SGIP1: variants seen among roughly 807,000 people sequenced by gnomAD.
The protein encoded by SGIP1 is SH3-containing GRB2-like protein 3-interacting protein 1.
A neutral mutation model predicts 107.5 loss-of-function variants in SGIP1; 38 were observed. The observed-to-expected ratio is 0.35, with a 90% CI of 0.27 to 0.46. The LOEUF is 0.46. Among genes scored for constraint, SGIP1 ranks in the 20% least tolerant of loss-of-function variants. The pLI is 1.00. For synonymous variants in SGIP1, 365 were observed against 366.1 expected (o/e 1.00, Z 0.03); for missense variants, 929 against 1,019.5 (o/e 0.91, Z 1.21).
chr1:66,630,028 A>T (rs2073904522), intron 2 of SGIP1, among the ~76,000 whole-genome samples: 2 of 152,190 alleles, frequency 1.3e-5, no homozygotes, highest in Admixed American at 1.3e-4. Flanking sequence ...TAGGAAATCG[A>T]CATTGGTTGA....
At chr1:66,652,644 A>G (rs1026051293) in intron 7 of SGIP1, among the ~76,000 whole-genome samples, 8 of 152,094 alleles carry the variant, frequency 5.3e-5, no homozygotes, top group Non-Finnish European at 7.4e-5. Context: ...CCACCCCCAA[A>G]TTAGCCTGCC....
intron 19 of SGIP1, among the ~76,000 whole-genome samples, chr1:66,723,024 AT>A (rs1161994744): frequency 1.3e-5 from 2 of 152,220 alleles, no homozygotes; most frequent in Non-Finnish European, 2.9e-5. Flanking sequence ...GGGAGATCCA[AT>A]TTATTTCATT....
chr1:66,715,637 C>T (rs148743095), intron 18 of SGIP1, among the ~76,000 whole-genome samples: 7 of 152,238 alleles, frequency 4.6e-5, no homozygotes, highest in African/African-American at 1.4e-4. Context: ...AAAAGCACTA[C>T]GACCATCATT....
At chr1:66,629,983 A>G (rs1188913860) in intron 2 of SGIP1, among the ~76,000 whole-genome samples, 3 of 152,206 alleles carry the variant, frequency 2.0e-5, no homozygotes, top group Non-Finnish European at 2.9e-5. Flanking sequence ...ACTGAGAAAC[A>G]AAGGGGTGAA....
intron 1 of SGIP1, among the ~76,000 whole-genome samples, chr1:66,552,129 T>C (rs1408970902): frequency 6.6e-6 from 1 of 152,100 alleles, no homozygotes; most frequent in Admixed American, 6.5e-5. Flanking sequence ...AACCACTGTG[T>C]TTACCACCAG....
chr1:66,604,920 C>A (rs2066538709), intron 1 of SGIP1, among the ~76,000 whole-genome samples: 1 of 152,168 alleles, frequency 6.6e-6, no homozygotes, highest in Admixed American at 6.5e-5. Flanking sequence ...TCTACTTCTC[C>A]ATTTCTATAG....
chr1:66,702,216 T>G (rs2091997274), intron 18 of SGIP1, among the ~76,000 whole-genome samples: 1 of 152,214 alleles, frequency 6.6e-6, no homozygotes, highest in Admixed American at 6.5e-5. Flanking sequence ...GTAACTTTTC[T>G]GAGATTACAC....
chr1:66,694,992 C>T (rs905252042), intron 17 of SGIP1: 23 of 268,018 alleles, frequency 8.6e-5, no homozygotes, highest in African/African-American at 4.6e-4. Flanking sequence ...CATTTAAAAC[C>T]TAAGCTAATG....
At chr1:66,621,480 T>C (rs2071090978) in intron 1 of SGIP1, among the ~76,000 whole-genome samples, 1 of 152,242 alleles carries the variant, frequency 6.6e-6, no homozygotes, top group Non-Finnish European at 1.5e-5. Flanking sequence ...TTGGCCATTT[T>C]AGAGTGTAAA....
intron 1 of SGIP1, among the ~76,000 whole-genome samples, chr1:66,536,593 A>G (rs777742826): frequency 3.3e-5 from 5 of 152,170 alleles, no homozygotes; most frequent in African/African-American, 4.8e-5. Context: ...AACTTAACTC[A>G]TCTCTAGAGA....
In SGIP1 at chr1:66,540,585, G is replaced by A. The variant is rs1366536845; in HGVS notation, c.10+6217G>A. 3.9e-5 allele frequency among the ~76,000 whole-genome samples: 6 copies of A among 152,218 alleles called. No homozygotes were observed. In the South Asian group the frequency reaches 1.0e-3, roughly 26 times the overall value. ...TGGGAAAGTATTTTTAAATAAATGAGTGAATGTAAACGAGTGTAATGTTGT... is the reference window on the plus strand; with the variant it reads ...TGGGAAAGTATTTTTAAATAAATGAATGAATGTAAACGAGTGTAATGTTGT... On this transcript the variant is annotated intron_variant, in intron 1 of 24. Coordinates refer to ENST00000371037, the MANE Select transcript of SGIP1 (RefSeq NM_032291.4).
chr1:66,596,357 G>A (rs944567402), intron 1 of SGIP1, among the ~76,000 whole-genome samples: 1 of 152,150 alleles, frequency 6.6e-6, no homozygotes, highest in African/African-American at 2.4e-5. Flanking sequence ...CAGAAGGCAG[G>A]AAAGTCCCCT....
chr1:66,690,874 G>A (rs372258004), intron 17 of SGIP1, among the ~76,000 whole-genome samples: 20 of 152,240 alleles, frequency 1.3e-4, no homozygotes, highest in East Asian at 9.6e-4. Context: ...GAAATAAGCC[G>A]TTGGTGGCAT....
intron 7 of SGIP1, among the ~76,000 whole-genome samples, chr1:66,644,347 A>G (rs767393497): frequency 1.3e-5 from 1 of 75,546 alleles, no homozygotes; most frequent in Admixed American, 1.4e-4. Context: ...GATTTGGGGT[A>G]AAAAAAAAAA....
chr1:66,565,925 A>T (rs1024106357), intron 1 of SGIP1, among the ~76,000 whole-genome samples: 1 of 152,038 alleles, frequency 6.6e-6, no homozygotes, highest in Admixed American at 6.6e-5. Context: ...AAATACTGAA[A>T]TCAAGTGTAG....
chr1:66,681,926 T>C lies in SGIP1; in HGVS notation c.872T>C (p.Leu291Ser). The change falls in exon 15 of 25, where the codon TTG (leucine) becomes TCG (serine). Residue 291 changes from leucine (L) to serine (S), a missense_variant. Around this residue, in one of 2 missense-constraint regions of SGIP1, gnomAD observed 588 missense variants for 588.6 expected, o/e 1.00. Coordinates refer to ENST00000371037, the MANE Select transcript of SGIP1 (RefSeq NM_032291.4). Reference protein sequence around the residue: ...KIEKLPSINDLDSIFGPVLSP... With the variant: ...KIEKLPSINDSDSIFGPVLSP... Reference sequence around the variant, plus strand: ...GAAAAACTACCATCCATCAATGACTTGGACAGCATTTTTGGGCCAGTATTG... The same window carrying C: ...GAAAAACTACCATCCATCAATGACTCGGACAGCATTTTTGGGCCAGTATTG... The C allele has an allele frequency of 1.2e-6, 2 of 1,614,178 alleles. No homozygotes were observed. The highest frequency in any genetic ancestry group is 2.2e-5 in the South Asian group (2 of 91,048).
In SGIP1 at chr1:66,695,434, A is replaced by G; in HGVS notation, c.1571A>G (p.Glu524Gly). The change falls in exon 18 of 25, where the codon GAG becomes GGG. Residue 524 changes from glutamate to glycine, a missense_variant and splice_region_variant. By Grantham distance (98) the Glu-to-Gly change is moderately conservative. This residue lies in a region of SGIP1 where 341 missense variants were observed against 430.9 expected (regional missense o/e 0.79). Transcript: ENST00000371037. ...CCCGCTTCAACTCCTGGCCATACAG[A>G]GAATGAACAGCCTTCCCTCGTTTGG... ...SLSAATTPTV[E>G]NEQPSLVWFD... is the part of the protein sequence containing the mutation. The G allele has an allele frequency of 6.2e-7, 1 of 1,614,102 alleles. No individual in the cohort carries two copies. Among genetic ancestry groups the G allele is most frequent in the South Asian group, 1.1e-5 (1 of 91,074 alleles).
intron 7 of SGIP1, among the ~76,000 whole-genome samples, chr1:66,646,655 G>A (rs1358810440): frequency 6.6e-6 from 1 of 152,040 alleles, no homozygotes; most frequent in East Asian, 1.9e-4. Flanking sequence ...TGAAATGGGA[G>A]GAATGAATGA....
chr1:66,667,574 G>A, intron 9 of SGIP1, 33 bp downstream of exon 9: 3 of 1,611,398 alleles, frequency 1.9e-6, no homozygotes, highest in Middle Eastern at 1.7e-4. Flanking sequence ...CCTTAAACAT[G>A]TATAGAGAAA....
Sources: allele counts gnomAD v4.1 joint callset (sites outside exome capture counted in the v4.1 genomes callset), GRCh38; gene constraint gnomAD v4.1.1; regional missense constraint gnomAD v4.1.1; transcripts MANE v1.5; gene names NCBI Gene and HGNC (gene_info 2026-07-23, HGNC 2026-07-21).